The following JARID2 variants were observed in gnomAD, a reference collection of about 807,000 sequenced individuals.
JARID2 encodes protein Jumonji.
JARID2 carries 21 observed loss-of-function variants against 125.6 expected under a neutral mutation model. That is an observed-to-expected ratio of 0.17 (90% CI 0.12 to 0.24). The LOEUF (loss-of-function observed/expected upper bound fraction) is 0.24, where lower values mean the gene tolerates loss of function less well. JARID2 is among the 10% of genes least tolerant of loss of function. The pLI, the probability that JARID2 is intolerant of heterozygous loss-of-function variation, is 1.00. For synonymous variants in JARID2, 736 were observed against 661.6 expected, an observed-to-expected ratio of 1.11 and a Z score of -1.73; for missense variants, 1,303 against 1,639.6, an observed-to-expected ratio of 0.79 and a Z score of 3.55.
chr6:15,446,125 T>C (rs1767662695), intron 3 of JARID2, among the ~76,000 whole-genome samples: 1 of 152,210 alleles, frequency 6.6e-6, no homozygotes, highest in South Asian at 2.1e-4. Flanking sequence ...TGTACTGTAT[T>C]CTGTGATTCC....
chr6:15,296,869 A>C (rs1165813343), intron 1 of JARID2, among the ~76,000 whole-genome samples: 1 of 152,132 alleles, frequency 6.6e-6, no homozygotes, highest in Non-Finnish European at 1.5e-5. Context: ...TTTGTTTCTT[A>C]AATTTCATTT....
At chr6:15,280,753 C>T (rs9396579) in intron 1 of JARID2, among the ~76,000 whole-genome samples, 41,899 of 151,570 alleles carry the variant, frequency 0.28, 6,666 homozygotes, top group Admixed American at 0.36. Context: ...CTCAACCTCC[C>T]GAATAGCTGG....
chr6:15,292,828 A>G (rs1489079520), intron 1 of JARID2, among the ~76,000 whole-genome samples: 1 of 152,066 alleles, frequency 6.6e-6, no homozygotes, highest in Non-Finnish European at 1.5e-5. Flanking sequence ...CACCATTCCC[A>G]GCTAATTTTA....
intron 12 of JARID2, 150 bp downstream of exon 12, chr6:15,508,604 G>A (rs763610016): frequency 3.8e-5 from 23 of 609,848 alleles, no homozygotes; most frequent in Non-Finnish European, 5.3e-5. Flanking sequence ...GTTCCCTGCC[G>A]AAGCCTGGGC....
chr6:15,303,390 G>A (rs116790075), intron 1 of JARID2, among the ~76,000 whole-genome samples: 353 of 152,358 alleles, frequency 2.3e-3, no homozygotes, highest in Non-Finnish European at 3.9e-3. Flanking sequence ...TTTGCCTTGA[G>A]TAGCAAGGCT....
At chr6:15,413,120 A>AG (rs1765977843) in intron 3 of JARID2, among the ~76,000 whole-genome samples, 2 of 146,648 alleles carry the variant, frequency 1.4e-5, no homozygotes, top group Admixed American at 1.4e-4. Context: ...CCCGGGCTCA[A>AG]GGGATTCTTC....
At chr6:15,324,581 GT>G (rs1762472493) in intron 1 of JARID2, 1 of 151,380 alleles carries the variant, frequency 6.6e-6, no homozygotes, top group African/African-American at 2.4e-5. Context: ...GGTTCAAGCA[GT>G]TCTCCTGTCT....
At chr6:15,437,577 C>A (rs1466997495) in intron 3 of JARID2, among the ~76,000 whole-genome samples, 1 of 152,026 alleles carries the variant, frequency 6.6e-6, no homozygotes, top group Non-Finnish European at 1.5e-5. Flanking sequence ...TTTTTCTCTA[C>A]CCTCTTAAGT....
At chr6:15,325,608 G>T (rs1762511239) in intron 1 of JARID2, among the ~76,000 whole-genome samples, 1 of 152,148 alleles carries the variant, frequency 6.6e-6, no homozygotes, top group South Asian at 2.1e-4. Context: ...TTTCACCAGA[G>T]TAAAGAGGAT....
intron 3 of JARID2, among the ~76,000 whole-genome samples, chr6:15,443,972 G>T (rs1405419242): frequency 1.3e-5 from 2 of 152,162 alleles, no homozygotes; most frequent in Non-Finnish European, 2.9e-5. Flanking sequence ...TCCGGCTATG[G>T]CAAATGTTTA....
chr6:15,495,082 G>C (rs570687273), intron 6 of JARID2, among the ~76,000 whole-genome samples: 11 of 152,324 alleles, frequency 7.2e-5, no homozygotes, highest in African/African-American at 2.6e-4. Flanking sequence ...TAATGCCCAA[G>C]GTGTTAAGTG....
intron 5 of JARID2, among the ~76,000 whole-genome samples, chr6:15,469,422 G>A (rs1245469112): frequency 1.2e-5 from 1 of 86,590 alleles, no homozygotes; most frequent in Non-Finnish European, 2.2e-5. Flanking sequence ...CCGCTTCTCC[G>A]CTTTTCCTTT....
At chr6:15,504,237 C>T (rs1467958226) in intron 8 of JARID2, among the ~76,000 whole-genome samples, 2 of 152,258 alleles carry the variant, frequency 1.3e-5, no homozygotes, top group African/African-American at 2.4e-5. Context: ...CGCTCAGGGC[C>T]TCTGGGCGGC....
In JARID2 at chr6:15,521,193, C is replaced by CA. The variant is rs1771831485; in HGVS notation, c.*944dup. On this transcript the variant is annotated 3_prime_UTR_variant, in exon 18 of 18. Transcript: ENST00000341776. ...CACCGCTTCTTGTTTGACACCTTCA[C>CA]AAGTCAGCATTAATCTTTCTTTTAA... 6.4e-6 allele frequency: 1 copy of CA among 156,140 alleles called. No individual in the cohort carries two copies. Among genetic ancestry groups the CA allele is most frequent in the Non-Finnish European group, 1.4e-5 (1 of 70,554 alleles). The allele number at this position is 156,140 out of a possible 1,614,324, so 9.7% of individuals were successfully genotyped here. A position where few individuals can be genotyped will look rare whatever the true frequency, so the allele number is the denominator to read the frequency against.
intron 1 of JARID2, among the ~76,000 whole-genome samples, chr6:15,252,670 C>G (rs1330035394): frequency 1.3e-5 from 2 of 152,224 alleles, no homozygotes; most frequent in African/African-American, 4.8e-5. Flanking sequence ...TGTGGAAGGT[C>G]TGTTCCATTT....
chr6:15,416,199 C>T (rs1220466773), intron 3 of JARID2, among the ~76,000 whole-genome samples: 1 of 151,402 alleles, frequency 6.6e-6, no homozygotes, highest in African/African-American at 2.4e-5. Context: ...TCCTCACTTT[C>T]CAGACTGGGT....
Position 15,402,420 on chromosome 6 carries a change from T to C in JARID2, c.182-7804T>C, listed in dbSNP as rs575999382. On this transcript the variant is annotated intron_variant, in intron 2 of 17. Transcript: ENST00000341776. ...AGGTAGAAGAATATCATTAGCTATC[T>C]GTGAACATGCTGTGTTCATGGACAT... Among the ~76,000 whole-genome samples the C allele has an allele frequency of 5.3e-5, 8 of 152,342 alleles. No homozygotes were observed. The East Asian group carries it at 1.2e-3, about 22-fold the overall frequency.
intron 1 of JARID2, among the ~76,000 whole-genome samples, chr6:15,307,653 C>G (rs16876210): frequency 6.6e-6 from 1 of 152,098 alleles, no homozygotes; most frequent in East Asian, 1.9e-4. Flanking sequence ...TATTTTTCTT[C>G]TCTGATGACT....
At position 15,281,362 on chromosome 6, in the gene JARID2, A is replaced by G. The variant is rs1041630241; in HGVS notation, c.45+34778A>G. On this transcript the variant is annotated intron_variant, in intron 1 of 17. Transcript: ENST00000341776. ...GATAATAACTTTGTCCAAGAGCAAAAGAACGTGAATACATTGTGGTATGTG... is the reference window on the plus strand; with the variant it reads ...GATAATAACTTTGTCCAAGAGCAAAGGAACGTGAATACATTGTGGTATGTG... Among the ~76,000 whole-genome samples, 4 of 152,262 alleles carry G rather than the reference A, an allele frequency of 2.6e-5. No individual in the cohort carries two copies. The East Asian group carries it at 7.7e-4, about 29-fold the overall frequency.
Sources: gnomAD v4.1 joint callset for allele counts (sites outside exome capture counted in the v4.1 genomes callset) on GRCh38, gnomAD v4.1.1 for gene constraint, MANE v1.5 for transcripts, NCBI Gene and HGNC (gene_info 2026-07-23, HGNC 2026-07-21) for gene names.